The following ELF1 variants were observed in gnomAD, a reference collection of about 807,000 sequenced individuals.
ELF1 encodes the protein E74 like ETS transcription factor 1, also known as ETS-related transcription factor Elf-1.
In ELF1, 24 loss-of-function variants were observed where a neutral mutation model predicts 59.9. The ratio of observed to expected loss-of-function variants is 0.40; its 90% CI spans 0.29 to 0.56. The LOEUF (loss-of-function observed/expected upper bound fraction) is 0.56. Among genes scored for constraint, ELF1 ranks in the 20% least tolerant of loss-of-function variants. The pLI is 0.44. For synonymous variants in ELF1, 248 were observed against 266.2 expected, an observed-to-expected ratio of 0.93 and a Z score of 0.67; for missense variants, 627 against 742.2, an observed-to-expected ratio of 0.84 and a Z score of 1.80.
intron 2 of ELF1, among the ~76,000 whole-genome samples, chr13:40,974,841 A>G (rs1319522181): frequency 6.6e-6 from 1 of 152,184 alleles, no homozygotes; most frequent in African/African-American, 2.4e-5. Context: ...ATGTTAGACC[A>G]CAGGCAGGGT....
At chr13:41,012,341 A>G (rs1017937224) in intron 1 of ELF1, among the ~76,000 whole-genome samples, 3 of 144,610 alleles carry the variant, frequency 2.1e-5, no homozygotes, top group African/African-American at 7.6e-5. Context: ...AAAAAAGAGT[A>G]TTATGAAACA....
intron 1 of ELF1, among the ~76,000 whole-genome samples, chr13:40,986,177 G>A (rs1046914802): frequency 6.6e-6 from 1 of 152,208 alleles, no homozygotes; most frequent in Non-Finnish European, 1.5e-5. Context: ...ACACAAAGCA[G>A]TTCAGAGAAC....
chr13:41,047,776 G>C (rs988147843), intron 1 of ELF1, among the ~76,000 whole-genome samples: 1 of 152,198 alleles, frequency 6.6e-6, no homozygotes, highest in Non-Finnish European at 1.5e-5. Flanking sequence ...CAAACTCTGT[G>C]CTGGGAAAAC....
chr13:40,935,253 T>C (rs543722185), intron 8 of ELF1, among the ~76,000 whole-genome samples: 1 of 152,350 alleles, frequency 6.6e-6, no homozygotes, highest in East Asian at 1.9e-4. Flanking sequence ...AATCTCAGTA[T>C]CTGGATGTCA....
chr13:41,019,466 G>A, upstream of ELF1: 1 of 902,596 alleles, frequency 1.1e-6, no homozygotes, highest in African/African-American at 1.8e-5. Flanking sequence ...AAGTGGGGAT[G>A]AAGAGGCAAG....
intron 2 of ELF1, among the ~76,000 whole-genome samples, chr13:40,972,538 T>C (rs1157583330): frequency 1.3e-5 from 2 of 152,208 alleles, no homozygotes; most frequent in Non-Finnish European, 2.9e-5. Context: ...ACTTACCCAG[T>C]TGGATAATAG....
rs1412312157 is a variant in ELF1 at position 40,934,704 on chromosome 13, GC to G, written c.1257-677del. 3.9e-5 allele frequency among the ~76,000 whole-genome samples: 6 copies of G among 152,294 alleles called. No homozygotes were observed. In the South Asian group the frequency reaches 1.0e-3, roughly 26 times the overall value. ...CAAAGTGCTGGGATTATAGGCATGA[GC>G]CACTGTGCCCGGCCTGCTATTTTAA... is the stretch of plus-strand genomic sequence containing the variant. On this transcript the variant is annotated intron_variant, in intron 8 of 8. Transcript: ENST00000239882.
Position 40,945,241 on chromosome 13 carries a change from T to C in ELF1, c.530-1316A>G, listed in dbSNP as rs138102812. On this transcript the variant is annotated intron_variant, in intron 5 of 8. Coordinates refer to ENST00000239882, the MANE Select transcript of ELF1 (RefSeq NM_172373.4). ...CTCCACTAGCTTTAGTCACAACAGA[T>C]GCTGCCAGTAAAAACTCCCAACCCA... is the stretch of plus-strand genomic sequence containing the variant. Among the ~76,000 whole-genome samples the C allele has an allele frequency of 5.7e-3, 873 of 152,324 alleles. 8 individuals are homozygous for C. Among genetic ancestry groups the C allele is most frequent in the South Asian group, 0.014 (69 of 4,822 alleles).
intron 1 of ELF1, among the ~76,000 whole-genome samples, chr13:41,004,890 C>A (rs1375813790): frequency 1.3e-5 from 2 of 152,108 alleles, no homozygotes; most frequent in Admixed American, 6.6e-5. Context: ...TAATACCAAA[C>A]AAGCCTACAA....
intron 1 of ELF1, among the ~76,000 whole-genome samples, chr13:41,042,878 C>T (rs986995593): frequency 4.6e-5 from 7 of 152,152 alleles, no homozygotes; most frequent in Non-Finnish European, 1.0e-4. Context: ...ATTGAGGGAT[C>T]GCCACATCTT....
intron 2 of ELF1, among the ~76,000 whole-genome samples, chr13:40,967,923 T>C (rs1291261224): frequency 1.3e-5 from 2 of 152,164 alleles, no homozygotes; most frequent in Admixed American, 6.6e-5. Context: ...TTTTGCTTTA[T>C]TTATTATTTC....
chr13:40,954,185 T>C (rs1007019587), intron 3 of ELF1, among the ~76,000 whole-genome samples: 4 of 152,144 alleles, frequency 2.6e-5, no homozygotes, highest in Non-Finnish European at 5.9e-5. Flanking sequence ...AAAAAACTTT[T>C]ATTGGTTTGC....
chr13:41,042,452 T>G (rs1876656520), intron 1 of ELF1, among the ~76,000 whole-genome samples: 1 of 152,070 alleles, frequency 6.6e-6, no homozygotes, highest in African/African-American at 2.4e-5. Flanking sequence ...ATGCTATCCC[T>G]CCCCACTCCC....
chr13:41,031,818 CAA>C (rs3072004), intron 1 of ELF1, among the ~76,000 whole-genome samples: 16,632 of 82,364 alleles, frequency 0.2, 843 homozygotes, highest in South Asian at 0.33. Flanking sequence ...GACTCCGTGT[CAA>C]AAAAAAAAAA....
Position 41,017,967 on chromosome 13 carries a change from G to A in ELF1, c.-229+1261C>T, listed in dbSNP as rs534028656. The stretch of plus-strand genomic sequence containing the variant: ...TCCGCTGTGTCTTTCTTGTAAGACC[G>A]CAAAATTGAGATCTGTTAATATCAA... On this transcript the variant is annotated intron_variant, in intron 1 of 8. Coordinates refer to ENST00000239882, the MANE Select transcript of ELF1 (RefSeq NM_172373.4). 5.3e-5 allele frequency among the ~76,000 whole-genome samples: 8 copies of A among 152,244 alleles called. No homozygotes were observed. In the South Asian group the frequency reaches 1.2e-3, roughly 24 times the overall value.
intron 1 of ELF1, among the ~76,000 whole-genome samples, chr13:41,007,531 C>T (rs1874823605): frequency 6.6e-6 from 1 of 152,072 alleles, no homozygotes; most frequent in African/African-American, 2.4e-5. Context: ...GTAACTGCCC[C>T]CTCCTGCTAT....
intron 1 of ELF1, among the ~76,000 whole-genome samples, chr13:41,049,188 T>G (rs1457480516): frequency 6.6e-6 from 1 of 152,192 alleles, no homozygotes; most frequent in Non-Finnish European, 1.5e-5. Flanking sequence ...AAGTCAAGTA[T>G]CAATTTCTAG....
intron 1 of ELF1, among the ~76,000 whole-genome samples, chr13:41,035,246 A>T (rs1001455832): frequency 6.6e-6 from 1 of 152,246 alleles, no homozygotes; most frequent in African/African-American, 2.4e-5. Context: ...ACTCTGCTAG[A>T]ATACCTGGTA....
intron 1 of ELF1, among the ~76,000 whole-genome samples, chr13:41,040,790 C>T (rs1360614499): frequency 6.6e-6 from 1 of 152,134 alleles, no homozygotes; most frequent in Non-Finnish European, 1.5e-5. Context: ...CCTGAGGGGG[C>T]TGGGGATCCC....
Sources: gnomAD v4.1 joint callset for allele counts (sites outside exome capture counted in the v4.1 genomes callset) on GRCh38, gnomAD v4.1.1 for gene constraint, MANE v1.5 for transcripts, NCBI Gene and HGNC (gene_info 2026-07-23, HGNC 2026-07-21) for gene names.